The following CRYL1 variants were observed in gnomAD, a reference collection of about 807,000 sequenced individuals.
CRYL1 encodes the protein lambda-crystallin homolog.
A neutral mutation model predicts 36.6 loss-of-function variants in CRYL1; 29 were observed. The observed-to-expected ratio is 0.79, with a 90% CI of 0.59 to 1.08. The LOEUF is 1.08. Among genes scored for constraint, CRYL1 ranks in the 50% least tolerant of loss-of-function variants. The pLI, the probability that CRYL1 is intolerant of heterozygous loss-of-function variation, is 0.00. For missense variants in CRYL1, 411 were observed against 407.9 expected (o/e 1.01, Z -0.06); for synonymous variants, 152 against 151.5 (o/e 1.00, Z -0.02).
chr13:20,457,626 C>G (rs140823091), intron 3 of CRYL1, among the ~76,000 whole-genome samples: 4 of 152,260 alleles, frequency 2.6e-5, no homozygotes, highest in Admixed American at 2.0e-4. Flanking sequence ...ACGACAATAG[C>G]AAAGCTTCGG....
At chr13:20,446,620 G>A (rs1022470555) in intron 3 of CRYL1, among the ~76,000 whole-genome samples, 1 of 152,182 alleles carries the variant, frequency 6.6e-6, no homozygotes, top group Non-Finnish European at 1.5e-5. Context: ...GGTGACAAAA[G>A]CTGCTGTCAG....
intron 3 of CRYL1, among the ~76,000 whole-genome samples, chr13:20,456,479 CAAAA>C (rs71074301): frequency 4.1e-5 from 4 of 98,764 alleles, no homozygotes; most frequent in African/African-American, 1.2e-4. Flanking sequence ...CGTCTCAAAA[CAAAA>C]AAAAAAAAAA....
At chr13:20,518,122 G>T (rs921454965) in intron 1 of CRYL1, among the ~76,000 whole-genome samples, 1 of 151,916 alleles carries the variant, frequency 6.6e-6, no homozygotes, top group Non-Finnish European at 1.5e-5. Flanking sequence ...GCTGGCTCTT[G>T]CCATGGGGTT....
In CRYL1 at chr13:20,431,453, C is replaced by G. The variant is rs886801072; in HGVS notation, c.633+649G>C. 4 of 985,286 alleles carry G rather than the reference C, an allele frequency of 4.1e-6. No individual in the cohort carries two copies. In the African/African-American group the frequency reaches 7.0e-5, roughly 17 times the overall value. 61.0% of individuals were successfully genotyped at this position (985,286 alleles called of 1,614,324 possible). On this transcript the variant is annotated intron_variant, in intron 5 of 7. Coordinates refer to ENST00000298248, the MANE Select transcript of CRYL1 (RefSeq NM_015974.3). ...GCCGGACAGTTCCACTCCCAGATCCCGAGACTTCTCCGCCTCGTCCTGGGG... is the reference window on the plus strand; with the variant it reads ...GCCGGACAGTTCCACTCCCAGATCCGGAGACTTCTCCGCCTCGTCCTGGGG...
At chr13:20,462,308 C>T (rs76576273) in intron 3 of CRYL1, among the ~76,000 whole-genome samples, 6,450 of 151,616 alleles carry the variant, frequency 0.043, 302 homozygotes, top group Admixed American at 0.15. Flanking sequence ...GCTGTTAGGA[C>T]ACCATTTCAA....
At chr13:20,423,582 A>C (rs2031866618) in intron 5 of CRYL1, among the ~76,000 whole-genome samples, 1 of 152,114 alleles carries the variant, frequency 6.6e-6, no homozygotes, top group South Asian at 2.1e-4. Context: ...CCTATGGTAA[A>C]GTATCTCTGC....
In CRYL1 at chr13:20,432,181, C is replaced by T. The variant is rs372472491; in HGVS notation, c.554G>A (p.Arg185Gln). The change falls in exon 5 of 8, where the codon CGA becomes CAA. Residue 185 changes from arginine (R) to glutamine (Q), a missense_variant. Coordinates refer to ENST00000298248, the MANE Select transcript of CRYL1 (RefSeq NM_015974.3). ...LMKKIGQCPM[R>Q]VQKEVAGFVL... ...GAAGCCGGCCACCTCCTTCTGGACTCGCATGGGGCACTGTCCAATCTTCTT... is the reference window on the plus strand; with the variant it reads ...GAAGCCGGCCACCTCCTTCTGGACTTGCATGGGGCACTGTCCAATCTTCTT... The T allele has an allele frequency of 4.4e-5, 71 of 1,614,088 alleles. No homozygotes were observed. Among genetic ancestry groups the T allele is most frequent in the African/African-American group, 6.7e-5 (5 of 75,002 alleles).
At position 20,508,598 on chromosome 13, in the gene CRYL1, G is replaced by A. The variant is rs556522495; in HGVS notation, c.149+3845C>T. Among the ~76,000 whole-genome samples the A allele has an allele frequency of 5.3e-5, 8 of 151,268 alleles. No individual in the cohort carries two copies. In the South Asian group the frequency reaches 8.4e-4, roughly 16 times the overall value. On this transcript the variant is annotated intron_variant, in intron 2 of 7. Coordinates refer to ENST00000298248, the MANE Select transcript of CRYL1 (RefSeq NM_015974.3). Reference sequence around the variant, plus strand: ...GCAGTGGCTCACGCCTGTAATCCCAGCACTTTGGGAGGCCAAGATGGGTGG... The same window carrying A: ...GCAGTGGCTCACGCCTGTAATCCCAACACTTTGGGAGGCCAAGATGGGTGG...
At chr13:20,466,454 A>T (rs779758901) in intron 3 of CRYL1, among the ~76,000 whole-genome samples, 1 of 152,242 alleles carries the variant, frequency 6.6e-6, no homozygotes, top group African/African-American at 2.4e-5. Flanking sequence ...AAGAACCATT[A>T]AAAGATTTTG....
rs547526573 is a variant in CRYL1, at chr13:20,415,448, C to A, written c.634-2061G>T. Among the ~76,000 whole-genome samples the A allele has an allele frequency of 6.6e-6, 1 of 152,280 alleles. No homozygotes were observed. The highest frequency in any genetic ancestry group is 1.9e-4 in the East Asian group (1 of 5,160). On this transcript the variant is annotated intron_variant, in intron 5 of 7. Coordinates refer to ENST00000298248, the MANE Select transcript of CRYL1 (RefSeq NM_015974.3). This position sits in a 1 kb window ranked among gnomAD's most constrained non-coding sequence, Gnocchi z 4.1. Reference sequence around the variant, plus strand: ...GTGTGCTGGCTTGGACACCGCCCTGCGTCTGCAGAGAGCGCGGCGGTGAAG... The same window carrying A: ...GTGTGCTGGCTTGGACACCGCCCTGAGTCTGCAGAGAGCGCGGCGGTGAAG...
chr13:20,432,393 TG>T, intron 4 of CRYL1, 97 bp from the exon 5 acceptor site: 2 of 760,646 alleles, frequency 2.6e-6, no homozygotes, highest in East Asian at 5.3e-5. Flanking sequence ...GATGCATCTT[TG>T]GAATGGTGCC....
chr13:20,485,194 T>A (rs991152498), intron 3 of CRYL1, among the ~76,000 whole-genome samples: 2 of 152,178 alleles, frequency 1.3e-5, no homozygotes, highest in African/African-American at 4.8e-5. Context: ...ATGTTTTGTA[T>A]TTTTAGTAGA....
chr13:20,439,746 A>G lies in CRYL1; in HGVS notation c.285T>C (p.Val95=). The change falls in exon 4 of 8, where the codon GTT becomes GTC. Residue 95 remains valine, a synonymous_variant. Transcript: ENST00000298248. ...TCTTCTTCAGTTCTAGATCTTCTGG[A>G]ACACATTCCTGAAAAGGACACGTTT... is the stretch of plus-strand genomic sequence containing the variant. ...VEGAMHIQEC[V]PEDLELKKKI... 6.2e-7 allele frequency: 1 copy of G among 1,614,086 alleles called. No individual in the cohort carries two copies. Among genetic ancestry groups the G allele is most frequent in the Non-Finnish European group, 8.5e-7 (1 of 1,179,954 alleles).
intron 3 of CRYL1, among the ~76,000 whole-genome samples, chr13:20,479,002 T>C (rs1239699501): frequency 6.6e-6 from 1 of 151,584 alleles, no homozygotes; most frequent in Non-Finnish European, 1.5e-5. Flanking sequence ...GACCTGATGA[T>C]CCCCCGACCT....
chr13:20,443,538 C>T (rs983290267), intron 3 of CRYL1, among the ~76,000 whole-genome samples: 1 of 151,974 alleles, frequency 6.6e-6, no homozygotes, highest in African/African-American at 2.4e-5. Context: ...GACTACAGGC[C>T]TGCACCACCA....
chr13:20,470,928 A>C (rs1199427333), intron 3 of CRYL1, among the ~76,000 whole-genome samples: 3 of 129,950 alleles, frequency 2.3e-5, no homozygotes, highest in African/African-American at 3.7e-5. Flanking sequence ...AAAAAAAAAC[A>C]AAAAAAAAAA....
At position 20,444,658 on chromosome 13, in the gene CRYL1, T is replaced by G. The variant is rs141604963; in HGVS notation, c.277-4904A>C. On this transcript the variant is annotated intron_variant, in intron 3 of 7. Coordinates refer to ENST00000298248, the MANE Select transcript of CRYL1 (RefSeq NM_015974.3). ...CAACTGAAAATATTCCATTTAATCC[T>G]GCAATTATATAGTTTTACTGCATTT... is the stretch of plus-strand genomic sequence containing the variant. 2.6e-3 allele frequency among the ~76,000 whole-genome samples: 391 copies of G among 152,370 alleles called. 1 individual carries two copies. Among genetic ancestry groups the G allele is most frequent in the African/African-American group, 8.9e-3 (371 of 41,588 alleles).
intron 2 of CRYL1, among the ~76,000 whole-genome samples, chr13:20,512,002 A>G (rs959633237): frequency 6.6e-6 from 1 of 152,230 alleles, no homozygotes; most frequent in African/African-American, 2.4e-5. Context: ...CTAAAATTCA[A>G]GATGTTTTCA....
chr13:20,431,945 G>C, intron 5 of CRYL1, 157 bp downstream of exon 5: 1 of 1,537,980 alleles, frequency 6.5e-7, no homozygotes, highest in Non-Finnish European at 8.7e-7. Context: ...CTGGCCCTTG[G>C]TCTCCAGAAT....
Sources: allele counts gnomAD v4.1 joint callset (sites outside exome capture counted in the v4.1 genomes callset), GRCh38; gene constraint gnomAD v4.1.1; non-coding constraint Gnocchi (gnomAD v3.1); transcripts MANE v1.5; gene names NCBI Gene and HGNC (gene_info 2026-07-23, HGNC 2026-07-21).